The following EIF3E variants were observed in gnomAD, a reference collection of about 807,000 sequenced individuals.
EIF3E encodes eukaryotic translation initiation factor 3 subunit E, also known as eIF-3 p48.
EIF3E carries 25 observed loss-of-function variants against 59.3 expected under a neutral mutation model. The observed-to-expected ratio is 0.42, with a 90% CI of 0.31 to 0.59. The LOEUF is 0.59. Ranked by LOEUF, EIF3E falls within the 20% of genes least tolerant of loss-of-function variation. The pLI is 0.15. For synonymous variants in EIF3E, 176 were observed against 170.2 expected, an observed-to-expected ratio of 1.03 and a Z score of -0.26; for missense variants, 317 against 534.3, an observed-to-expected ratio of 0.59 and a Z score of 4.01.
At position 108,203,236 on chromosome 8, in the gene EIF3E, T is replaced by C. The variant is rs988446285; in HGVS notation, c.1165-119A>G. ...ATGCACTGTATAGAGATGACAATAT[T>C]TACCAAGGAAGAAAAAAAATAGGAG... On this transcript the variant is annotated intron_variant, in intron 11 of 12. Coordinates refer to ENST00000220849, the MANE Select transcript of EIF3E (RefSeq NM_001568.3). The C allele has an allele frequency of 2.2e-5, 30 of 1,341,864 alleles. No homozygotes were observed. In the African/African-American group the frequency reaches 4.4e-4, roughly 20 times the overall value. 83.1% of individuals were successfully genotyped at this position (1,341,864 alleles called of 1,614,324 possible).
intron 5 of EIF3E, chr8:108,233,460 AG>A (rs1291062587): frequency 3.9e-5 from 6 of 153,824 alleles, no homozygotes; most frequent in African/African-American, 1.4e-4. Context: ...CAGAAAGTAA[AG>A]GCAAAAAGAA....
At chr8:108,204,758 G>T (rs865918555) in intron 10 of EIF3E, among the ~76,000 whole-genome samples, 3,240 of 103,770 alleles carry the variant, frequency 0.031, 61 homozygotes, top group African/African-American at 0.067. Context: ...GAGAGAGAGA[G>T]AGAGAGAGAG....
At chr8:108,206,450 C>T (rs942097835) in intron 10 of EIF3E, among the ~76,000 whole-genome samples, 1 of 152,162 alleles carries the variant, frequency 6.6e-6, no homozygotes, top group Admixed American at 6.5e-5. Flanking sequence ...GATATTTAAT[C>T]TTAGATTTTT....
chr8:108,229,779 A>G (rs1815587020), intron 5 of EIF3E, among the ~76,000 whole-genome samples: 1 of 152,184 alleles, frequency 6.6e-6, no homozygotes, highest in Admixed American at 6.5e-5. Flanking sequence ...AATCCTAACA[A>G]AAACCCTATA....
At chr8:108,213,557 C>T (rs1251793541) in intron 10 of EIF3E, among the ~76,000 whole-genome samples, 3 of 152,190 alleles carry the variant, frequency 2.0e-5, no homozygotes, top group Non-Finnish European at 2.9e-5. Flanking sequence ...AACCAAAATA[C>T]TAACATCCCT....
At chr8:108,239,398 C>T (rs1315078385) in intron 3 of EIF3E, among the ~76,000 whole-genome samples, 5 of 152,126 alleles carry the variant, frequency 3.3e-5, no homozygotes, top group South Asian at 2.1e-4. Flanking sequence ...TAGAGGGTTT[C>T]GCCATGTTGC....
rs1814996094 is a variant in EIF3E, at chr8:108,201,486, T to C, written c.*399A>G. ...GAGATCATGATGATAGTTCTCTATC[T>C]TGGCTGCAGTGATGGTTACACAAAT... On this transcript the variant is annotated 3_prime_UTR_variant, in exon 13 of 13. Transcript: ENST00000220849. 6.5e-6 allele frequency: 1 copy of C among 153,194 alleles called. No homozygotes were observed. Among genetic ancestry groups the C allele is most frequent in the Non-Finnish European group, 1.5e-5 (1 of 68,824 alleles). The allele number at this position is 153,194 out of a possible 1,614,324, so 9.5% of individuals were successfully genotyped here.
At chr8:108,244,153 G>GAAA (rs1238366322) in intron 1 of EIF3E, among the ~76,000 whole-genome samples, 1 of 152,082 alleles carries the variant, frequency 6.6e-6, no homozygotes, top group East Asian at 1.9e-4. Context: ...AATAATAACA[G>GAAA]TAAAAGTTTT....
intron 1 of EIF3E, among the ~76,000 whole-genome samples, chr8:108,248,146 A>C (rs548775745): frequency 6.6e-6 from 1 of 152,298 alleles, no homozygotes; most frequent in African/African-American, 2.4e-5. Flanking sequence ...AAAGCGCTAG[A>C]TACTTATTTT....
At chr8:108,216,107 A>T (rs758633784) in intron 9 of EIF3E, among the ~76,000 whole-genome samples, 1 of 152,198 alleles carries the variant, frequency 6.6e-6, no homozygotes, top group Non-Finnish European at 1.5e-5. Context: ...GAAATTATGG[A>T]TATGTCTGTA....
chr8:108,229,342 C>T, intron 5 of EIF3E, 147 bp from the exon 6 acceptor site: 2 of 719,638 alleles, frequency 2.8e-6, no homozygotes, highest in Non-Finnish European at 4.1e-6. Flanking sequence ...CTTATTGGAT[C>T]ACACTGGTTT....
chr8:108,242,220 G>C (rs1179856876), intron 1 of EIF3E: 1 of 1,304,390 alleles, frequency 7.7e-7, no homozygotes, highest in South Asian at 1.2e-5. Flanking sequence ...CCCTTTCTAG[G>C]CAAGGCTGTG....
At chr8:108,222,350 T>C (rs974785287) in intron 7 of EIF3E, among the ~76,000 whole-genome samples, 2 of 152,152 alleles carry the variant, frequency 1.3e-5, no homozygotes, top group African/African-American at 2.4e-5. Context: ...CAGCCAGACT[T>C]TGAAACATGG....
At chr8:108,218,782 CTTTTTT>C (rs35642365) in intron 7 of EIF3E, among the ~76,000 whole-genome samples, 2 of 111,162 alleles carry the variant, frequency 1.8e-5, no homozygotes, top group Admixed American at 9.8e-5. Context: ...TATTTTATTT[CTTTTTT>C]TTTTTTTTTT....
At position 108,235,110 on chromosome 8, in the gene EIF3E, GA is replaced by G. The variant is rs745400190; in HGVS notation, c.367-9del. ...TAAATATTCCTGCCTAAACTAAAAAGAAAAAAAAAAGATTAAGTTCTCTTTA... is the reference window on the plus strand; with the variant it reads ...TAAATATTCCTGCCTAAACTAAAAAGAAAAAAAAAGATTAAGTTCTCTTTA... On this transcript the variant is annotated splice_polypyrimidine_tract_variant and intron_variant, in intron 4 of 12. Coordinates refer to ENST00000220849, the MANE Select transcript of EIF3E (RefSeq NM_001568.3). 1,931 of 1,372,414 alleles carry G rather than the reference GA, an allele frequency of 1.4e-3. No individual in the cohort carries two copies. The highest frequency in any genetic ancestry group is 3.0e-3 in the South Asian group (210 of 70,124). The allele number at this position is 1,372,414 out of a possible 1,614,324, so 85.0% of individuals were successfully genotyped here.
chr8:108,209,318 A>C (rs1301889194), intron 10 of EIF3E, among the ~76,000 whole-genome samples: 1 of 152,044 alleles, frequency 6.6e-6, no homozygotes, highest in Non-Finnish European at 1.5e-5. Flanking sequence ...AAAAAAGTCT[A>C]TTTTGGGGCT....
chr8:108,243,638 G>GAAAAAAAAA (rs779684560), intron 1 of EIF3E, among the ~76,000 whole-genome samples: 4 of 70,976 alleles, frequency 5.6e-5, no homozygotes, highest in Admixed American at 1.9e-4. Flanking sequence ...CAAAAAAAAA[G>GAAAAAAAAA]AAAAAAAAAA....
At chr8:108,230,318 T>C (rs1007705475) in intron 5 of EIF3E, among the ~76,000 whole-genome samples, 3 of 152,124 alleles carry the variant, frequency 2.0e-5, no homozygotes, top group Non-Finnish European at 4.4e-5. Flanking sequence ...CCCACCTCAG[T>C]TGTATAGTTT....
chr8:108,203,573 T>C, intron 10 of EIF3E, 70 bp from the exon 11 acceptor site: 1 of 1,169,088 alleles, frequency 8.6e-7, no homozygotes, highest in Non-Finnish European at 1.3e-6. Flanking sequence ...TACACAGTGT[T>C]GACTCACACT....
Sources: gnomAD v4.1 joint callset for allele counts (sites outside exome capture counted in the v4.1 genomes callset) on GRCh38, gnomAD v4.1.1 for gene constraint, MANE v1.5 for transcripts, NCBI Gene and HGNC (gene_info 2026-07-23, HGNC 2026-07-21) for gene names.